DLG2: variants seen among roughly 807,000 people sequenced by gnomAD.
DLG2 encodes disks large homolog 2.
Under a neutral mutation model 132.5 loss-of-function variants are expected in DLG2, and 45 were observed. The ratio of observed to expected loss-of-function variants is 0.34; its 90% CI spans 0.27 to 0.44. DLG2 has a LOEUF of 0.44. DLG2 is among the 20% of genes least tolerant of loss of function. DLG2 has a pLI of 1.00. For missense variants in DLG2, 1,045 were observed against 1,196.9 expected (o/e 0.87, Z 1.87); for synonymous variants, 424 against 419.6 (o/e 1.01, Z -0.13).
chr11:85,029,197 T>C (rs1354804474), intron 6 of DLG2, among the ~76,000 whole-genome samples: 1 of 151,872 alleles, frequency 6.6e-6, no homozygotes, highest in Non-Finnish European at 1.5e-5. Flanking sequence ...CCACTCTTTT[T>C]TTTTTTTGAA....
chr11:83,786,250 A>G (rs1328961505), intron 18 of DLG2, among the ~76,000 whole-genome samples: 1 of 152,154 alleles, frequency 6.6e-6, no homozygotes, highest in Non-Finnish European at 1.5e-5. Flanking sequence ...AAAAATGTCA[A>G]TCAAGCACCC....
chr11:85,383,827 C>T (rs1052460690), intron 3 of DLG2, among the ~76,000 whole-genome samples: 7 of 152,122 alleles, frequency 4.6e-5, no homozygotes, highest in African/African-American at 1.7e-4. Flanking sequence ...TAATAACTTC[C>T]CTATAGGCTT....
intron 10 of DLG2, among the ~76,000 whole-genome samples, chr11:84,095,958 CA>C (rs1314850671): frequency 1.3e-5 from 2 of 151,720 alleles, no homozygotes; most frequent in African/African-American, 2.4e-5. Flanking sequence ...GGGTAGAGGC[CA>C]AAAAAAGGGA....
intron 9 of DLG2, among the ~76,000 whole-genome samples, chr11:84,142,333 A>G (rs1268057256): frequency 1.3e-5 from 2 of 151,980 alleles, no homozygotes; most frequent in Admixed American, 6.6e-5. Flanking sequence ...AAAAAAAAAA[A>G]AAAAAGAAAA....
chr11:83,627,911 T>A (rs1167944434), intron 19 of DLG2, among the ~76,000 whole-genome samples: 2 of 152,206 alleles, frequency 1.3e-5, no homozygotes, highest in Non-Finnish European at 2.9e-5. Context: ...CCATTCTAAC[T>A]GGTATGAGAT....
At chr11:85,338,662 T>A (rs2082284575) in intron 3 of DLG2, among the ~76,000 whole-genome samples, 1 of 151,864 alleles carries the variant, frequency 6.6e-6, no homozygotes, top group Non-Finnish European at 1.5e-5. Flanking sequence ...CTGCATCACT[T>A]CCTTCCATCC....
chr11:85,185,721 C>T (rs1239686166), intron 4 of DLG2, among the ~76,000 whole-genome samples: 1 of 151,858 alleles, frequency 6.6e-6, no homozygotes, highest in Non-Finnish European at 1.5e-5. Context: ...TGCATACTTA[C>T]AGCTAAGTGC....
intron 6 of DLG2, among the ~76,000 whole-genome samples, chr11:84,999,725 T>C (rs887410800): frequency 3.9e-5 from 6 of 152,116 alleles, no homozygotes; most frequent in African/African-American, 1.2e-4. Flanking sequence ...CATCATCAAA[T>C]TGATTACTGG....
intron 11 of DLG2, 22 bp from the exon 12 acceptor site, chr11:83,980,664 T>C (rs2154173994): frequency 1.3e-6 from 2 of 1,527,502 alleles, no homozygotes; most frequent in Non-Finnish European, 8.8e-7. Flanking sequence ...GAACAGAAAA[T>C]GGAAAGCCTT....
At chr11:85,431,062 C>G (rs1032512628) in intron 3 of DLG2, among the ~76,000 whole-genome samples, 1 of 152,050 alleles carries the variant, frequency 6.6e-6, no homozygotes, top group Non-Finnish European at 1.5e-5. Context: ...TTCTATACAT[C>G]AAACATGTAT....
chr11:84,798,747 G>C (rs2075001330), intron 6 of DLG2, among the ~76,000 whole-genome samples: 1 of 152,192 alleles, frequency 6.6e-6, no homozygotes, highest in Non-Finnish European at 1.5e-5. Context: ...GGCTATTACT[G>C]TTGGTTATTC....
chr11:84,365,808 G>A (rs1484106272), intron 7 of DLG2, among the ~76,000 whole-genome samples: 4 of 151,984 alleles, frequency 2.6e-5, no homozygotes, highest in African/African-American at 9.7e-5. Context: ...CAGTTTCCAT[G>A]TAGTTGAAAA....
In DLG2 at chr11:84,153,532, C is replaced by T. The variant is rs146129681; in HGVS notation, c.624+9929G>A. ...AATCCCATATTTCTTGGAGGTTTTG[C>T]TCATTAAAAAAAAATATTTTTTCTT... On this transcript the variant is annotated intron_variant, in intron 9 of 27. Transcript: ENST00000376104. 8.7e-3 allele frequency among the ~76,000 whole-genome samples: 1,325 copies of T among 151,914 alleles called. 6 individuals are homozygous for T. Among genetic ancestry groups the T allele is most frequent in the Non-Finnish European group, 0.014 (918 of 67,942 alleles).
chr11:83,741,786 A>G (rs2092535596), intron 18 of DLG2, among the ~76,000 whole-genome samples: 1 of 152,080 alleles, frequency 6.6e-6, no homozygotes, highest in South Asian at 2.1e-4. Flanking sequence ...AGGCAGGTGG[A>G]TCATGAGATC....
Position 84,544,669 on chromosome 11 carries a change from T to C in DLG2, c.358-9938A>G, listed in dbSNP as rs147505454. ...ATTGCTGGATACAACTGAGCTTTGG[T>C]TGACTGAAGTTATGAACCAGGAATT... On this transcript the variant is annotated intron_variant, in intron 6 of 27. Coordinates refer to ENST00000376104, the MANE Select transcript of DLG2 (RefSeq NM_001142699.3). Among the ~76,000 whole-genome samples, 4 of 152,312 alleles carry C rather than the reference T, an allele frequency of 2.6e-5. No homozygotes were observed. The East Asian group carries it at 7.7e-4, about 29-fold the overall frequency.
intron 3 of DLG2, among the ~76,000 whole-genome samples, chr11:85,508,312 G>A (rs1343237088): frequency 4.0e-5 from 6 of 151,032 alleles, no homozygotes; most frequent in African/African-American, 7.3e-5. Context: ...TGACATGCTT[G>A]ATGTTTCTCC....
At chr11:84,224,847 C>T (rs2096967416) in intron 8 of DLG2, among the ~76,000 whole-genome samples, 2 of 152,130 alleles carry the variant, frequency 1.3e-5, no homozygotes, top group African/African-American at 4.8e-5. Context: ...ATTACCTATC[C>T]TTTTTCATGT....
intron 12 of DLG2, among the ~76,000 whole-genome samples, chr11:83,968,893 T>G (rs953513733): frequency 2.0e-5 from 3 of 152,192 alleles, no homozygotes; most frequent in Non-Finnish European, 4.4e-5. Context: ...AATAGACTCA[T>G]GCAGAGAGGG....
chr11:84,455,920 A>C (rs1490721460), intron 7 of DLG2, among the ~76,000 whole-genome samples: 2 of 151,252 alleles, frequency 1.3e-5, no homozygotes, highest in Non-Finnish European at 3.0e-5. Context: ...TGCATTCTTG[A>C]CTTCACAGCA....
Sources: allele counts gnomAD v4.1 joint callset (sites outside exome capture counted in the v4.1 genomes callset), GRCh38; gene constraint gnomAD v4.1.1; transcripts MANE v1.5; gene names NCBI Gene and HGNC (gene_info 2026-07-23, HGNC 2026-07-21).